SOD2: variants seen among roughly 807,000 people sequenced by gnomAD.
SOD2 encodes the protein superoxide dismutase [Mn], mitochondrial.
A neutral mutation model predicts 27.0 loss-of-function variants in SOD2; 11 were observed. The ratio of observed to expected loss-of-function variants is 0.41; its 90% CI spans 0.26 to 0.67. The LOEUF (loss-of-function observed/expected upper bound fraction) is 0.67. Ranked by LOEUF, SOD2 falls within the 30% of genes least tolerant of loss-of-function variation. The pLI is 0.34. For missense variants in SOD2, 250 were observed against 274.5 expected (o/e 0.91, Z 0.63); for synonymous variants, 105 against 103.0 (o/e 1.02, Z -0.12).
rs149262275 is a variant in SOD2 at position 159,726,786 on chromosome 6, G to A, written c.-116+343C>T. On this transcript the variant is annotated intron_variant, in intron 1 of 2. Coordinates refer to the SOD2 transcript ENST00000401980. The stretch of plus-strand genomic sequence containing the variant: ...ATGTCAAGGAGGAACGAACCCAGCG[G>A]CCAGGAGACTGCGCCTCACGACTGA... The A allele has an allele frequency of 1.6e-3, 2,038 of 1,289,160 alleles. 28 individuals are homozygous for A. In the African/African-American group the frequency reaches 0.028, roughly 18 times the overall value. 79.9% of individuals were successfully genotyped at this position (1,289,160 alleles called of 1,614,324 possible). A position where few individuals can be genotyped will look rare whatever the true frequency, so the allele number is the denominator to read the frequency against.
At chr6:159,713,506 ATC>A in intron 1 of SOD2, 1 of 675,706 alleles carries the variant, frequency 1.5e-6, no homozygotes, top group Non-Finnish European at 2.7e-6. Context: ...CGTCTCAGCT[ATC>A]TCCTGCGAAG....
upstream of SOD2, chr6:159,727,592 G>A: frequency 1.0e-6 from 1 of 986,910 alleles, no homozygotes; most frequent in Non-Finnish European, 1.2e-6. Flanking sequence ...CGGCGGGGCC[G>A]GCGGCAGAGC....
At chr6:159,742,933 G>T (rs938696129) in intron 1 of SOD2, among the ~76,000 whole-genome samples, 2 of 152,152 alleles carry the variant, frequency 1.3e-5, no homozygotes, top group African/African-American at 4.8e-5. Context: ...AGCCCGGGAG[G>T]TCAAGGCTGC....
At chr6:159,725,217 T>C (rs1185487440) in intron 1 of SOD2, among the ~76,000 whole-genome samples, 1 of 152,058 alleles carries the variant, frequency 6.6e-6, no homozygotes, top group African/African-American at 2.4e-5. Context: ...GGTGGTTCAT[T>C]CCTGTAATCC....
At chr6:159,740,682 A>G (rs1255700296) in intron 1 of SOD2, among the ~76,000 whole-genome samples, 1 of 150,940 alleles carries the variant, frequency 6.6e-6, no homozygotes, top group Non-Finnish European at 1.5e-5. Flanking sequence ...GGTATTAGGA[A>G]GGTTTTTTTT....
chr6:159,747,054 A>G (rs1779617525), upstream of SOD2, among the ~76,000 whole-genome samples: 2 of 152,210 alleles, frequency 1.3e-5, no homozygotes, highest in African/African-American at 4.8e-5. Context: ...CAGTGAAACA[A>G]ATATATTCCC....
chr6:159,733,776 C>T (rs1020329652), intron 1 of SOD2, among the ~76,000 whole-genome samples: 4 of 151,256 alleles, frequency 2.6e-5, no homozygotes, highest in Non-Finnish European at 4.4e-5. Context: ...GTTAGCCGGG[C>T]GTGGTGGCGC....
intron 1 of SOD2, among the ~76,000 whole-genome samples, chr6:159,724,806 C>T (rs1167289413): frequency 6.7e-6 from 1 of 148,688 alleles, no homozygotes; most frequent in Non-Finnish European, 1.5e-5. Context: ...GAGCCATGAT[C>T]GTACCACTGC....
At chr6:159,761,666 C>T (rs928586792) in exon 1 of SOD2, 1 of 428,224 alleles carries the variant, frequency 2.3e-6, no homozygotes, top group Admixed American at 2.9e-5. Flanking sequence ...TTGTCACCCC[C>T]CAGTCTTTAC....
At chr6:159,698,981 G>A (rs1442772258) in intron 1 of SOD2, among the ~76,000 whole-genome samples, 1 of 151,564 alleles carries the variant, frequency 6.6e-6, no homozygotes, top group South Asian at 2.1e-4. Flanking sequence ...CATAGAAGTG[G>A]ACCCATGCAG....
chr6:159,702,700 A>G (rs1037299466), intron 1 of SOD2, among the ~76,000 whole-genome samples: 12 of 150,106 alleles, frequency 8.0e-5, no homozygotes, highest in Non-Finnish European at 5.9e-5. Context: ...AAGAAAGAAA[A>G]AAAAGCCAGG....
chr6:159,715,638 G>A (rs1032770232), intron 1 of SOD2, among the ~76,000 whole-genome samples: 26 of 152,130 alleles, frequency 1.7e-4, no homozygotes, highest in Non-Finnish European at 1.9e-4. Context: ...GGTGGCTCAC[G>A]CCTGTAATCT....
In SOD2 at chr6:159,679,345, C is replaced by T. The variant is rs1030828030; in HGVS notation, c.*3148G>A. ...TTGTAAAACATTTACCTAATAATAG[C>T]TTTCCCAAACAGTACTTCCCCTGGA... On this transcript the variant is annotated 3_prime_UTR_variant, in exon 5 of 5. Transcript: ENST00000538183. 1 of 152,182 alleles carries T rather than the reference C, an allele frequency of 6.6e-6. No individual in the cohort carries two copies. Among genetic ancestry groups the T allele is most frequent in the Non-Finnish European group, 1.5e-5 (1 of 68,048 alleles). 9.4% of individuals were successfully genotyped at this position (152,182 alleles called of 1,614,324 possible).
intron 1 of SOD2, among the ~76,000 whole-genome samples, chr6:159,741,373 T>TA (rs1779245468): frequency 6.6e-6 from 1 of 152,234 alleles, no homozygotes; most frequent in Non-Finnish European, 1.5e-5. Context: ...CAGAAATTGA[T>TA]ACTACCTTGA....
intron 3 of SOD2, among the ~76,000 whole-genome samples, chr6:159,686,859 AT>A (rs1477233507): frequency 6.6e-6 from 1 of 152,100 alleles, no homozygotes; most frequent in African/African-American, 2.4e-5. Flanking sequence ...CAAGAACTAC[AT>A]TTACGCCTCA....
intron 1 of SOD2, among the ~76,000 whole-genome samples, chr6:159,700,652 CA>C (rs11294344): frequency 0.56 from 68,053 of 122,040 alleles, 16,705 homozygotes; most frequent in East Asian, 0.8. Context: ...GACTCTGTCT[CA>C]AAAAAAAAAA....
chr6:159,755,330 CCTT>C (rs749504965), intron 1 of SOD2: 6 of 1,614,250 alleles, frequency 3.7e-6, no homozygotes, highest in South Asian at 2.2e-5. Context: ...AGATGACTTT[CCTT>C]CTTCTCCAGG....
At chr6:159,727,768 AG>A, upstream of SOD2, 2 of 974,024 alleles carry the variant, frequency 2.1e-6, no homozygotes, top group Non-Finnish European at 2.4e-6. Context: ...GCTGATGCGC[AG>A]CCGCCCCCGG....
At chr6:159,755,012 A>G in intron 1 of SOD2, 1 of 1,582,150 alleles carries the variant, frequency 6.3e-7, no homozygotes, top group South Asian at 1.1e-5. Context: ...AGTTGGTCTG[A>G]CTCTCCTTTG....
Sources: allele counts gnomAD v4.1 joint callset (sites outside exome capture counted in the v4.1 genomes callset), GRCh38; gene constraint gnomAD v4.1.1; transcripts MANE v1.5; gene names NCBI Gene and HGNC (gene_info 2026-07-23, HGNC 2026-07-21).